NRG2: variants seen among roughly 807,000 people sequenced by gnomAD.
The protein encoded by NRG2 is pro-neuregulin-2, membrane-bound isoform.
Under a neutral mutation model 73.9 loss-of-function variants are expected in NRG2, and 27 were observed. That is an observed-to-expected ratio of 0.37 (90% CI 0.27 to 0.50). NRG2 has a LOEUF of 0.50. NRG2 is among the 20% of genes least tolerant of loss of function. The pLI is 0.96. For synonymous variants in NRG2, 532 were observed against 541.0 expected (o/e 0.98, Z 0.23); for missense variants, 1,126 against 1,210.1 (o/e 0.93, Z 1.03).
At chr5:139,923,821 G>A (rs928869972) in intron 1 of NRG2, among the ~76,000 whole-genome samples, 1 of 152,110 alleles carries the variant, frequency 6.6e-6, no homozygotes, top group Non-Finnish European at 1.5e-5. Context: ...TGTCATACTT[G>A]GGACCTCTAG....
At chr5:139,939,884 C>T (rs994265814) in intron 1 of NRG2, among the ~76,000 whole-genome samples, 2 of 152,088 alleles carry the variant, frequency 1.3e-5, no homozygotes, top group Admixed American at 6.5e-5. Flanking sequence ...AAGATACTTA[C>T]CACACATCAT....
Position 139,848,139 on chromosome 5 carries a change from C to A in NRG2, c.2331G>T (p.Ser777=). The A allele has an allele frequency of 6.8e-7, 1 of 1,466,756 alleles. No homozygotes were observed. Among genetic ancestry groups the A allele is most frequent in the Non-Finnish European group, 9.0e-7 (1 of 1,116,484 alleles). The allele number at this position is 1,466,756 out of a possible 1,614,324, so 90.9% of individuals were successfully genotyped here. A position where few individuals can be genotyped will look rare whatever the true frequency, so the allele number is the denominator to read the frequency against. The change falls in exon 10 of 10, where the codon TCG becomes TCT. Residue 777 remains serine (S), a synonymous_variant. Coordinates refer to ENST00000361474, the MANE Select transcript of NRG2 (RefSeq NM_004883.3). The part of the protein sequence containing the change: ...SGSGGGSASA[S]DDDADDADGA... ...CGTCCGCGTCGTCCGCGTCGTCGTC[C>A]GACGCCGAGGCTGAGCCGCCGCCCG...
At chr5:139,967,099 C>T (rs1372457695) in intron 1 of NRG2, among the ~76,000 whole-genome samples, 1 of 152,150 alleles carries the variant, frequency 6.6e-6, no homozygotes, top group African/African-American at 2.4e-5. Flanking sequence ...TGAGGAGTCT[C>T]CACACTGCAT....
intron 1 of NRG2, among the ~76,000 whole-genome samples, chr5:139,960,477 T>C (rs889983912): frequency 6.6e-6 from 1 of 152,182 alleles, no homozygotes; most frequent in African/African-American, 2.4e-5. Flanking sequence ...GTTGCGCCAC[T>C]GGACTCCAGC....
chr5:140,042,326 T>G, intron 1 of NRG2, 44 bp downstream of exon 1: 1 of 756,968 alleles, frequency 1.3e-6, no homozygotes, highest in Non-Finnish European at 1.7e-6. Context: ...CTCCACCACC[T>G]CGCCCCTCCC....
chr5:139,951,900 G>A (rs932092716), intron 1 of NRG2, among the ~76,000 whole-genome samples: 8 of 152,220 alleles, frequency 5.3e-5, no homozygotes, highest in Admixed American at 3.9e-4. Context: ...AGGTCATGCA[G>A]TGGCCAGCCA....
Position 139,954,871 on chromosome 5 carries a change from C to G in NRG2, c.701-67360G>C, listed in dbSNP as rs1754499718. The stretch of plus-strand genomic sequence containing the variant: ...GGAACAGAGCCTGGCACACAGTAAA[C>G]ATTAGCTATTGGTGTTGTTATTATT... On this transcript the variant is annotated intron_variant, in intron 1 of 9. Coordinates refer to ENST00000361474, the MANE Select transcript of NRG2 (RefSeq NM_004883.3). This position sits in a 1 kb window ranked among gnomAD's most constrained non-coding sequence, Gnocchi z 5.0. Among the ~76,000 whole-genome samples the G allele has an allele frequency of 6.6e-6, 1 of 151,924 alleles. No homozygotes were observed. The highest frequency in any genetic ancestry group is 2.4e-5 in the African/African-American group (1 of 41,198).
At chr5:139,946,266 C>G (rs1284853475) in intron 1 of NRG2, among the ~76,000 whole-genome samples, 2 of 152,034 alleles carry the variant, frequency 1.3e-5, no homozygotes, top group Non-Finnish European at 2.9e-5. Flanking sequence ...AGGACAGAAA[C>G]AGATCAATAG....
At chr5:139,959,596 G>A (rs559062204) in intron 1 of NRG2, among the ~76,000 whole-genome samples, 2 of 152,052 alleles carry the variant, frequency 1.3e-5, no homozygotes, top group African/African-American at 4.8e-5. Flanking sequence ...GGCTGGTCTC[G>A]AACTCCCGAC....
In NRG2 at chr5:139,848,592, C is replaced by T. The variant is rs745404057; in HGVS notation, c.1878G>A (p.Ala626=). The T allele has an allele frequency of 4.5e-6, 7 of 1,567,208 alleles. No individual in the cohort carries two copies. Among genetic ancestry groups the T allele is most frequent in the South Asian group, 1.1e-5 (1 of 87,504 alleles). Residue 626 remains alanine, a synonymous_variant, in exon 10 of 10, where the codon GCG becomes GCA. Coordinates refer to ENST00000361474, the MANE Select transcript of NRG2 (RefSeq NM_004883.3). ...PTFEITSPNS[A]HAVSLPPAAP... Reference sequence around the variant, plus strand: ...CCGCCGGCGGCAGCGACACGGCGTGCGCCGAGTTGGGGGACGTGATCTCGA... The same window carrying T: ...CCGCCGGCGGCAGCGACACGGCGTGTGCCGAGTTGGGGGACGTGATCTCGA...
chr5:139,861,974 G>T (rs527807302), intron 5 of NRG2, among the ~76,000 whole-genome samples: 1 of 152,202 alleles, frequency 6.6e-6, no homozygotes, highest in South Asian at 2.1e-4. Flanking sequence ...AGATGAGGCA[G>T]CTGGGGCCCA....
Position 139,852,545 on chromosome 5 carries a change from G to A in NRG2, c.1431C>T (p.Asn477=), listed in dbSNP as rs761477100. The A allele has an allele frequency of 3.1e-6, 5 of 1,613,898 alleles. No homozygotes were observed. The highest frequency in any genetic ancestry group is 1.7e-5 in the Admixed American group (1 of 59,982). Residue 477 remains asparagine, a synonymous_variant, in exon 8 of 10, where the codon AAC becomes AAT. Coordinates refer to ENST00000361474, the MANE Select transcript of NRG2 (RefSeq NM_004883.3). The surrounding 1 kb of genome is among the most constrained non-coding windows in gnomAD (Gnocchi z 4.4). ...TGATGACATGGTCTGTGGCTGGCAC[G>A]TTCTTGGAAATATACTGGAACAGAC... The part of the protein sequence containing the change: ...EIQMADYISK[N]VPATDHVIRR...
chr5:139,979,695 G>C (rs1406481640), intron 1 of NRG2, among the ~76,000 whole-genome samples: 1 of 152,222 alleles, frequency 6.6e-6, no homozygotes, highest in Admixed American at 6.5e-5. Flanking sequence ...CTTGGAAGCA[G>C]ATCTTCCAAA....
At chr5:139,953,121 T>G (rs1754350934) in intron 1 of NRG2, among the ~76,000 whole-genome samples, 1 of 151,900 alleles carries the variant, frequency 6.6e-6, no homozygotes, top group African/African-American at 2.4e-5. Flanking sequence ...GGGGGTGACG[T>G]GGGGAGGGAG....
chr5:139,864,902 C>T (rs925858699), intron 5 of NRG2: 3 of 625,688 alleles, frequency 4.8e-6, no homozygotes, highest in Admixed American at 2.4e-5. Flanking sequence ...CTGGGTGTGG[C>T]CCTGGCTGCT....
intron 1 of NRG2, among the ~76,000 whole-genome samples, chr5:139,963,197 G>A (rs1011251683): frequency 3.9e-5 from 6 of 152,130 alleles, no homozygotes; most frequent in Non-Finnish European, 8.8e-5. Flanking sequence ...TCAAATAGAA[G>A]TCCTCAACAT....
chr5:140,014,374 C>T (rs909319980), intron 1 of NRG2, among the ~76,000 whole-genome samples: 1 of 152,082 alleles, frequency 6.6e-6, no homozygotes, highest in Non-Finnish European at 1.5e-5. Flanking sequence ...GTAGCTATAA[C>T]TACAGGCATG....
Position 139,915,488 on chromosome 5 carries a change from G to T in NRG2, c.701-27977C>A, listed in dbSNP as rs1285568859. ...CCCCAGGTCCTGCTTACATTCCACT[G>T]GTGCCTGATGCAGGCCCCTGATCTC... On this transcript the variant is annotated intron_variant, in intron 1 of 9. Coordinates refer to ENST00000361474, the MANE Select transcript of NRG2 (RefSeq NM_004883.3). This position sits in a 1 kb window ranked among gnomAD's most constrained non-coding sequence, Gnocchi z 4.0. Among the ~76,000 whole-genome samples, 1 of 152,174 alleles carries T rather than the reference G, an allele frequency of 6.6e-6. No individual in the cohort carries two copies. Among genetic ancestry groups the T allele is most frequent in the East Asian group, 1.9e-4 (1 of 5,196 alleles).
chr5:139,966,835 A>G (rs1397872685), intron 1 of NRG2, among the ~76,000 whole-genome samples: 1 of 152,106 alleles, frequency 6.6e-6, no homozygotes, highest in Admixed American at 6.5e-5. Flanking sequence ...AAGCTTCCCT[A>G]AGTGCACAGA....
Sources: gnomAD v4.1 joint callset for allele counts (sites outside exome capture counted in the v4.1 genomes callset) on GRCh38, gnomAD v4.1.1 for gene constraint, Gnocchi (gnomAD v3.1) non-coding constraint, MANE v1.5 for transcripts, NCBI Gene and HGNC (gene_info 2026-07-23, HGNC 2026-07-21) for gene names.